Variants in OSBPL9 observed in about 807,000 individuals in gnomAD.
The protein encoded by OSBPL9 is oxysterol binding protein like 9.
A neutral mutation model predicts 106.6 loss-of-function variants in OSBPL9; 40 were observed. The observed-to-expected ratio is 0.38, with a 90% CI of 0.29 to 0.49. OSBPL9 has a LOEUF of 0.49. Ranked by LOEUF, OSBPL9 falls within the 20% of genes least tolerant of loss-of-function variation. OSBPL9 has a pLI of 0.97. For synonymous variants in OSBPL9, 269 were observed against 295.4 expected (o/e 0.91, Z 0.92); for missense variants, 609 against 887.2 (o/e 0.69, Z 3.98).
upstream of OSBPL9, among the ~76,000 whole-genome samples, chr1:51,612,645 T>C (rs1643996370): frequency 6.6e-6 from 1 of 152,222 alleles, no homozygotes; most frequent in Non-Finnish European, 1.5e-5. Context: ...GATCCTGGCT[T>C]TCCCTGATGA....
chr1:51,616,003 G>GTTTTTTTTTTTT (rs764823727), upstream of OSBPL9, among the ~76,000 whole-genome samples: 8 of 104,508 alleles, frequency 7.7e-5, no homozygotes, highest in African/African-American at 1.4e-4. Context: ...AAATCCTTTG[G>GTTTTTTTTTTTT]TTTTTTTTTT....
At chr1:51,538,009 G>T in the OSBPL9 span, among the ~76,000 whole-genome samples, 2 of 151,962 alleles carry the variant, frequency 1.3e-5, no homozygotes, top group Admixed American at 6.6e-5. Context: ...TTATGATATA[G>T]GCTGGGCATG....
intron 1 of OSBPL9, among the ~76,000 whole-genome samples, chr1:51,578,384 G>A (rs1050516186): frequency 6.6e-6 from 1 of 152,178 alleles, no homozygotes; most frequent in African/African-American, 2.4e-5. Flanking sequence ...ACAATTTAGG[G>A]TGTCTCAAAA....
In OSBPL9 at chr1:51,762,702, G is replaced by A. The variant is rs185662863; in HGVS notation, c.778+731G>A. ...TATGTCGTGTATTTTTATTGTTTTT[G>A]TTTAAACCTAACTTAGGTTATGTGT... On this transcript the variant is annotated intron_variant, in intron 11 of 23. Coordinates refer to ENST00000428468, the MANE Select transcript of OSBPL9 (RefSeq NM_024586.6). Among the ~76,000 whole-genome samples the A allele has an allele frequency of 2.0e-5, 3 of 152,238 alleles. No homozygotes were observed. In the East Asian group the frequency reaches 5.8e-4, roughly 29 times the overall value.
At chr1:51,698,134 G>A (rs754477343) in intron 3 of OSBPL9, among the ~76,000 whole-genome samples, 1 of 152,132 alleles carries the variant, frequency 6.6e-6, no homozygotes, top group African/African-American at 2.4e-5. Context: ...AAAGCTTAGA[G>A]AATTTAAGTA....
intron 1 of OSBPL9, among the ~76,000 whole-genome samples, chr1:51,627,809 C>T (rs1644858913): frequency 6.6e-6 from 1 of 152,056 alleles, no homozygotes; most frequent in African/African-American, 2.4e-5. Flanking sequence ...GTCCATCTTG[C>T]ATTTACTCGA....
intron 3 of OSBPL9, among the ~76,000 whole-genome samples, chr1:51,706,233 T>C (rs1658505035): frequency 6.6e-6 from 1 of 152,216 alleles, no homozygotes; most frequent in Admixed American, 6.5e-5. Context: ...TAGAGTGTTT[T>C]TGACCTACCA....
chr1:51,659,690 G>T (rs1647023530), intron 2 of OSBPL9, among the ~76,000 whole-genome samples: 1 of 151,848 alleles, frequency 6.6e-6, no homozygotes. Context: ...ATGAAAAAAA[G>T]AAAAGTACGT....
chr1:51,668,166 A>G (rs1300084234), intron 2 of OSBPL9, among the ~76,000 whole-genome samples: 10 of 151,920 alleles, frequency 6.6e-5, no homozygotes, highest in Non-Finnish European at 1.3e-4. Context: ...TTCTCTTATC[A>G]CCTGAGGCAT....
intron 2 of OSBPL9, among the ~76,000 whole-genome samples, chr1:51,656,448 T>G (rs1294476493): frequency 5.3e-5 from 8 of 152,138 alleles, no homozygotes; most frequent in African/African-American, 1.9e-4. Flanking sequence ...TCACTGTGCT[T>G]CTTCATTCCT....
intron 11 of OSBPL9, among the ~76,000 whole-genome samples, chr1:51,764,583 CTT>C (rs531240886): frequency 4.2e-4 from 57 of 135,526 alleles, no homozygotes; most frequent in Admixed American, 4.4e-4. Context: ...ACTCTGGATT[CTT>C]TTTTTTTTTT....
intron 3 of OSBPL9, among the ~76,000 whole-genome samples, chr1:51,685,410 A>G (rs1394879719): frequency 6.6e-6 from 1 of 151,770 alleles, no homozygotes; most frequent in Non-Finnish European, 1.5e-5. Context: ...CTACCATGAT[A>G]ATCTTTTTTT....
intron 1 of OSBPL9, among the ~76,000 whole-genome samples, chr1:51,587,960 T>G (rs1645254341): frequency 6.6e-6 from 1 of 152,256 alleles, no homozygotes; most frequent in South Asian, 2.1e-4. Context: ...CCCAACTGCT[T>G]TTGACATTAG....
At chr1:51,780,034 C>T (rs1347632461) in intron 15 of OSBPL9, among the ~76,000 whole-genome samples, 5 of 150,338 alleles carry the variant, frequency 3.3e-5, no homozygotes, top group East Asian at 2.0e-4. Flanking sequence ...GCCAAGATCG[C>T]GCCACTGCAC....
intron 1 of OSBPL9, among the ~76,000 whole-genome samples, chr1:51,584,234 T>C (rs986652603): frequency 6.6e-6 from 1 of 152,138 alleles, no homozygotes; most frequent in East Asian, 1.9e-4. Flanking sequence ...GCCGCTGATA[T>C]TATCATCTGC....
chr1:51,771,850 C>T (rs773736460), intron 12 of OSBPL9, among the ~76,000 whole-genome samples: 8 of 152,172 alleles, frequency 5.3e-5, no homozygotes, highest in Non-Finnish European at 7.4e-5. Flanking sequence ...AATGCAGAGG[C>T]AAAGATCTCA....
chr1:51,698,292 T>C (rs770957376), intron 3 of OSBPL9, among the ~76,000 whole-genome samples: 1 of 151,900 alleles, frequency 6.6e-6, no homozygotes, highest in Non-Finnish European at 1.5e-5. Context: ...TGGCTTAGAG[T>C]AGTGTTTTCT....
chr1:51,579,285 A>T (rs181534984), intron 1 of OSBPL9, among the ~76,000 whole-genome samples: 2 of 152,078 alleles, frequency 1.3e-5, no homozygotes, highest in Admixed American at 6.6e-5. Flanking sequence ...AATAAATACT[A>T]CTTGAGTATT....
chr1:51,690,945 C>G (rs552493251), intron 3 of OSBPL9, among the ~76,000 whole-genome samples: 2 of 152,236 alleles, frequency 1.3e-5, no homozygotes, highest in Non-Finnish European at 2.9e-5. Flanking sequence ...AGGCTACAAG[C>G]CTGTAGAGTA....
Sources: gnomAD v4.1 joint callset for allele counts (sites outside exome capture counted in the v4.1 genomes callset) on GRCh38, gnomAD v4.1.1 for gene constraint, MANE v1.5 for transcripts, NCBI Gene and HGNC (gene_info 2026-07-23, HGNC 2026-07-21) for gene names.